Variants in ALCAM observed in about 807,000 individuals in gnomAD.
The protein encoded by ALCAM is activated leukocyte cell adhesion molecule.
Under a neutral mutation model 70.9 loss-of-function variants are expected in ALCAM, and 30 were observed. The observed-to-expected ratio is 0.42, with a 90% CI of 0.32 to 0.57. The LOEUF is 0.57. ALCAM is among the 20% of genes least tolerant of loss of function. ALCAM has a pLI of 0.11. For synonymous variants in ALCAM, 249 were observed against 242.5 expected, an observed-to-expected ratio of 1.03 and a Z score of -0.25; for missense variants, 591 against 695.1, an observed-to-expected ratio of 0.85 and a Z score of 1.68.
At chr3:105,506,110 A>G (rs1939067762) in intron 1 of ALCAM, among the ~76,000 whole-genome samples, 1 of 152,254 alleles carries the variant, frequency 6.6e-6, no homozygotes, top group Non-Finnish European at 1.5e-5. Flanking sequence ...GGATTTCTAC[A>G]TAACAAACTC....
rs760160480 is a variant in ALCAM, at chr3:105,550,103, C to T, written c.1375-24C>T. 21 of 1,564,660 alleles carry T rather than the reference C, an allele frequency of 1.3e-5. 1 individual carries two copies. In the South Asian group the frequency reaches 2.3e-4, roughly 17 times the overall value. On this transcript the variant is annotated intron_variant, in intron 11 of 15. Transcript: ENST00000306107. ...TTTTAATCCATTTTGATTTCTAAAC[C>T]CACCTTTTTTCTTCTTTTTCCAGAC...
intron 1 of ALCAM, among the ~76,000 whole-genome samples, chr3:105,452,440 A>G (rs908615859): frequency 3.3e-5 from 5 of 152,100 alleles, no homozygotes; most frequent in African/African-American, 1.2e-4. Flanking sequence ...TCCATGATGT[A>G]TATGTGCCAT....
At chr3:105,423,914 T>G (rs1490015298) in intron 1 of ALCAM, among the ~76,000 whole-genome samples, 1 of 151,600 alleles carries the variant, frequency 6.6e-6, no homozygotes, top group Non-Finnish European at 1.5e-5. Flanking sequence ...TAAGCTACCC[T>G]TATTTGAATA....
chr3:105,367,383 G>A lies in ALCAM; in HGVS notation c.-26G>A. On this transcript the variant is annotated 5_prime_UTR_variant, in exon 1 of 16. It adds an upstream start codon to the 5' untranslated region. Coordinates refer to ENST00000306107, the MANE Select transcript of ALCAM (RefSeq NM_001627.4). ...CCCTCCTGCGGCGTGGACTCCGTCAGTGGCCCACCAAGAAGGAGGAGGAAT... is the reference window on the plus strand; with the variant it reads ...CCCTCCTGCGGCGTGGACTCCGTCAATGGCCCACCAAGAAGGAGGAGGAAT... 6 of 1,612,840 alleles carry A rather than the reference G, an allele frequency of 3.7e-6. No individual in the cohort carries two copies. The highest frequency in any genetic ancestry group is 5.1e-6 in the Non-Finnish European group (6 of 1,179,114).
intron 1 of ALCAM, among the ~76,000 whole-genome samples, chr3:105,496,988 A>G (rs1938761614): frequency 6.6e-6 from 1 of 152,062 alleles, no homozygotes; most frequent in Non-Finnish European, 1.5e-5. Flanking sequence ...TCACCCTATT[A>G]CCTCATTCTA....
At chr3:105,492,036 G>A (rs1177247341) in intron 1 of ALCAM, among the ~76,000 whole-genome samples, 1 of 152,160 alleles carries the variant, frequency 6.6e-6, no homozygotes, top group African/African-American at 2.4e-5. Flanking sequence ...AAAGGAAAGA[G>A]GTTTAATGGA....
At chr3:105,388,808 C>A (rs1293994639) in intron 1 of ALCAM, among the ~76,000 whole-genome samples, 5 of 151,438 alleles carry the variant, frequency 3.3e-5, no homozygotes, top group African/African-American at 1.2e-4. Flanking sequence ...CCTAATCACA[C>A]CCTGTGGATC....
chr3:105,450,734 T>C (rs1937405914), intron 1 of ALCAM, among the ~76,000 whole-genome samples: 1 of 152,126 alleles, frequency 6.6e-6, no homozygotes, highest in Admixed American at 6.6e-5. Flanking sequence ...GGTAAATTTG[T>C]AGAGAAAACG....
chr3:105,568,071 T>TA (rs1294195460), intron 14 of ALCAM, among the ~76,000 whole-genome samples: 4 of 146,798 alleles, frequency 2.7e-5, no homozygotes, highest in African/African-American at 7.6e-5. Flanking sequence ...TTATTTTTTT[T>TA]TTTTTTTGAG....
At chr3:105,458,845 A>G (rs769140902) in intron 1 of ALCAM, among the ~76,000 whole-genome samples, 3 of 152,134 alleles carry the variant, frequency 2.0e-5, no homozygotes, top group Admixed American at 6.5e-5. Flanking sequence ...GTCATCTTAC[A>G]TGGCATATTG....
intron 8 of ALCAM, among the ~76,000 whole-genome samples, chr3:105,544,207 A>G (rs1940187860): frequency 6.6e-6 from 1 of 151,574 alleles, no homozygotes. Context: ...ATGAGTTGTC[A>G]CCACTTATAC....
At chr3:105,496,250 T>C (rs1283885039) in intron 1 of ALCAM, among the ~76,000 whole-genome samples, 2 of 152,164 alleles carry the variant, frequency 1.3e-5, no homozygotes, top group African/African-American at 4.8e-5. Flanking sequence ...AGCCAAATCT[T>C]TTAGTTTATA....
chr3:105,564,258 G>T (rs1940695998), intron 14 of ALCAM, among the ~76,000 whole-genome samples: 1 of 152,186 alleles, frequency 6.6e-6, no homozygotes, highest in South Asian at 2.1e-4. Context: ...CACATGTAAT[G>T]TAAGAAGGTA....
intron 1 of ALCAM, among the ~76,000 whole-genome samples, chr3:105,421,264 A>G (rs925954643): frequency 1.3e-5 from 2 of 151,484 alleles, no homozygotes; most frequent in East Asian, 1.9e-4. Flanking sequence ...TGAATTAAAT[A>G]TAAGAGGGAA....
intron 3 of ALCAM, 174 bp downstream of exon 3, chr3:105,524,682 A>G: frequency 3.0e-6 from 4 of 1,332,514 alleles, no homozygotes; most frequent in Non-Finnish European, 3.8e-6. Flanking sequence ...GAAAACAAAG[A>G]GTATGAAATT....
At chr3:105,561,632 G>A (rs1214273901) in intron 14 of ALCAM, among the ~76,000 whole-genome samples, 1 of 152,158 alleles carries the variant, frequency 6.6e-6, no homozygotes, top group African/African-American at 2.4e-5. Context: ...TAAGAGGGAA[G>A]AGTACACTCA....
intron 1 of ALCAM, among the ~76,000 whole-genome samples, chr3:105,447,356 A>C (rs909969746): frequency 6.6e-6 from 1 of 152,208 alleles, no homozygotes; most frequent in Non-Finnish European, 1.5e-5. Flanking sequence ...AGTAAATTTC[A>C]GAATTTTAGA....
chr3:105,371,996 C>T (rs1935248790), intron 1 of ALCAM, among the ~76,000 whole-genome samples: 1 of 152,090 alleles, frequency 6.6e-6, no homozygotes, highest in East Asian at 1.9e-4. Flanking sequence ...AACTAACTTA[C>T]TGGAATACTA....
At chr3:105,429,127 C>CA (rs1936864910) in intron 1 of ALCAM, among the ~76,000 whole-genome samples, 2 of 151,988 alleles carry the variant, frequency 1.3e-5, no homozygotes, top group African/African-American at 2.4e-5. Context: ...ATTCCATCTG[C>CA]AAAAAATCTA....
Sources: gnomAD v4.1 joint callset for allele counts (sites outside exome capture counted in the v4.1 genomes callset) on GRCh38, gnomAD v4.1.1 for gene constraint, MANE v1.5 for transcripts, NCBI Gene and HGNC (gene_info 2026-07-23, HGNC 2026-07-21) for gene names.